PDCD10: variants seen among roughly 807,000 people sequenced by gnomAD.
The protein encoded by PDCD10 is programmed cell death protein 10.
PDCD10 carries 4 observed loss-of-function variants against 29.2 expected under a neutral mutation model. The ratio of observed to expected loss-of-function variants is 0.14; its 90% confidence interval spans 0.07 to 0.31. The LOEUF (loss-of-function observed/expected upper bound fraction) is 0.31. Among genes scored for constraint, PDCD10 ranks in the 10% least tolerant of loss-of-function variants. The pLI, the probability that PDCD10 is intolerant of heterozygous loss-of-function variation, is 1.00. For missense variants in PDCD10, 183 were observed against 257.9 expected (o/e 0.71, Z 1.99); for synonymous variants, 70 against 82.2 (o/e 0.85, Z 0.80).
At chr3:167,729,194 G>C (rs1373655140) in intron 2 of PDCD10, among the ~76,000 whole-genome samples, 2 of 152,044 alleles carry the variant, frequency 1.3e-5, no homozygotes, top group African/African-American at 4.8e-5. Flanking sequence ...TATGGTCTCT[G>C]CATAACAAGT....
At chr3:167,710,105 C>G (rs914298171) in intron 3 of PDCD10, among the ~76,000 whole-genome samples, 1 of 152,074 alleles carries the variant, frequency 6.6e-6, no homozygotes, top group African/African-American at 2.4e-5. Context: ...ACACTGTAGG[C>G]CTTGGTTGAG....
In PDCD10 at chr3:167,683,961, T is replaced by C. The variant is rs1719307348; in HGVS notation, c.*347A>G. On this transcript the variant is annotated 3_prime_UTR_variant, in exon 9 of 9. Coordinates refer to ENST00000392750, the MANE Select transcript of PDCD10 (RefSeq NM_007217.4). ...TTGCCACCAAATATTGTTAAATACATTATCTTGCAGCATATCGCTTTCAAG... is the reference window on the plus strand; with the variant it reads ...TTGCCACCAAATATTGTTAAATACACTATCTTGCAGCATATCGCTTTCAAG... 1 of 225,792 alleles carries C rather than the reference T, an allele frequency of 4.4e-6. No homozygotes were observed. The highest frequency in any genetic ancestry group is 1.0e-4 in the East Asian group (1 of 10,006). 14.0% of individuals were successfully genotyped at this position (225,792 alleles called of 1,614,324 possible).
chr3:167,709,085 T>C (rs1722277031), intron 3 of PDCD10, among the ~76,000 whole-genome samples: 1 of 152,116 alleles, frequency 6.6e-6, no homozygotes, highest in South Asian at 2.1e-4. Context: ...AATCCCTACC[T>C]GCATTGTGAA....
At chr3:167,705,182 CAT>C (rs1330366091) in intron 3 of PDCD10, among the ~76,000 whole-genome samples, 9 of 152,222 alleles carry the variant, frequency 5.9e-5, no homozygotes, top group South Asian at 4.1e-4. Context: ...CCTTACTACA[CAT>C]GTTAATTCAG....
At chr3:167,688,416 T>C (rs1374617742) in intron 6 of PDCD10, among the ~76,000 whole-genome samples, 2 of 152,092 alleles carry the variant, frequency 1.3e-5, no homozygotes, top group African/African-American at 4.8e-5. Context: ...CCAGCAATCA[T>C]CCTTTGACTA....
rs559759403 is a variant in PDCD10 at position 167,723,426 on chromosome 3, A to C, written c.-116-3153T>G. Among the ~76,000 whole-genome samples, 5 of 152,154 alleles carry C rather than the reference A, an allele frequency of 3.3e-5. No individual in the cohort carries two copies. In the East Asian group the frequency reaches 9.7e-4, roughly 29 times the overall value. Reference sequence around the variant, plus strand: ...AAATTTCAACCCTCTAAGGTACACTATTTTCTGGAGTAGGTGCTGATTATG... The same window carrying C: ...AAATTTCAACCCTCTAAGGTACACTCTTTTCTGGAGTAGGTGCTGATTATG... On this transcript the variant is annotated intron_variant, in intron 2 of 8. Transcript: ENST00000392750.
intron 3 of PDCD10, among the ~76,000 whole-genome samples, chr3:167,716,516 G>C (rs1017981243): frequency 6.6e-6 from 1 of 151,534 alleles, no homozygotes; most frequent in Admixed American, 6.6e-5. Flanking sequence ...AGTATCTCAC[G>C]TACTCCATAA....
At chr3:167,697,453 A>C (rs1720925939) in intron 4 of PDCD10, among the ~76,000 whole-genome samples, 1 of 152,176 alleles carries the variant, frequency 6.6e-6, no homozygotes, top group Non-Finnish European at 1.5e-5. Flanking sequence ...ATCAATTGCT[A>C]TTCTCATTAC....
rs1429926548 is a variant in PDCD10, at chr3:167,722,928, T to C, written c.-116-2655A>G. On this transcript the variant is annotated intron_variant, in intron 2 of 8. Transcript: ENST00000392750. ...AAATAGTCTCTTCTCTAAAACTAAC[T>C]TTACAGTACTTATTTGTCAACAAAA... 6.6e-5 allele frequency among the ~76,000 whole-genome samples: 10 copies of C among 152,304 alleles called. No individual in the cohort carries two copies. The South Asian group carries it at 2.1e-3, about 32-fold the overall frequency.
chr3:167,699,809 G>A (rs935861395), intron 4 of PDCD10, among the ~76,000 whole-genome samples: 1 of 152,062 alleles, frequency 6.6e-6, no homozygotes, highest in Non-Finnish European at 1.5e-5. Flanking sequence ...TAACTGCTCA[G>A]GTCCATTTAC....
At chr3:167,723,393 C>T (rs1457546269) in intron 2 of PDCD10, among the ~76,000 whole-genome samples, 1 of 152,096 alleles carries the variant, frequency 6.6e-6, no homozygotes, top group Admixed American at 6.5e-5. Context: ...CTGGGTAGCA[C>T]ATTAACAAAA....
intron 4 of PDCD10, among the ~76,000 whole-genome samples, chr3:167,700,516 C>T (rs1275433253): frequency 6.6e-6 from 1 of 151,984 alleles, no homozygotes; most frequent in African/African-American, 2.4e-5. Flanking sequence ...TGAAACAAAG[C>T]CATTGCTGCA....
At chr3:167,721,775 G>A (rs910035622) in intron 2 of PDCD10, among the ~76,000 whole-genome samples, 8 of 152,052 alleles carry the variant, frequency 5.3e-5, no homozygotes, top group East Asian at 1.9e-4. Flanking sequence ...AGCAAAAGGC[G>A]AATTCCTGAA....
chr3:167,704,548 A>G (rs899692861), intron 4 of PDCD10: 1 of 267,410 alleles, frequency 3.7e-6, no homozygotes, highest in Non-Finnish European at 7.1e-6. Flanking sequence ...TCAAAAGGTC[A>G]AATAATAGAA....
chr3:167,694,725 GC>G, intron 6 of PDCD10: 1 of 153,114 alleles, frequency 6.5e-6, no homozygotes, highest in Middle Eastern at 3.4e-3. Context: ...CCTGGCTGCT[GC>G]CACTCCTCCC....
intron 4 of PDCD10, among the ~76,000 whole-genome samples, chr3:167,697,384 T>C (rs1011940218): frequency 3.3e-5 from 5 of 152,194 alleles, no homozygotes; most frequent in African/African-American, 7.2e-5. Flanking sequence ...CTTTATACTC[T>C]TTTGCAATTG....
At chr3:167,731,228 G>C (rs1266356663) in intron 2 of PDCD10, among the ~76,000 whole-genome samples, 1 of 152,156 alleles carries the variant, frequency 6.6e-6, no homozygotes, top group Non-Finnish European at 1.5e-5. Flanking sequence ...TAGGGAAGAA[G>C]AGTCCATTAG....
chr3:167,705,309 G>C (rs1721867674), intron 3 of PDCD10, among the ~76,000 whole-genome samples: 1 of 151,996 alleles, frequency 6.6e-6, no homozygotes, highest in Non-Finnish European at 1.5e-5. Flanking sequence ...GATTTTTTCA[G>C]TCCTTAAGGA....
In PDCD10 at chr3:167,734,822, GACTTC is replaced by G. The variant is rs1467124971; in HGVS notation, c.-419_-415del. On this transcript the variant is annotated 5_prime_UTR_variant, in exon 1 of 9. Coordinates refer to ENST00000392750, the MANE Select transcript of PDCD10 (RefSeq NM_007217.4). The stretch of plus-strand genomic sequence containing the variant: ...ACACCTTACCAGCAACTGAGGCACT[GACTTC>G]ACTTCCCACCTTGCAGCCCTCTTCA... The G allele has an allele frequency of 6.5e-6, 1 of 153,956 alleles. No individual in the cohort carries two copies. The highest frequency in any genetic ancestry group is 1.4e-5 in the Non-Finnish European group (1 of 69,136). The allele number at this position is 153,956 out of a possible 1,614,324, so 9.5% of individuals were successfully genotyped here.
Sources: allele counts gnomAD v4.1 joint callset (sites outside exome capture counted in the v4.1 genomes callset), GRCh38; gene constraint gnomAD v4.1.1; transcripts MANE v1.5; gene names NCBI Gene and HGNC (gene_info 2026-07-23, HGNC 2026-07-21).